Variants in FOXP2 observed in about 807,000 individuals in gnomAD.
FOXP2 encodes forkhead box P2.
In FOXP2, 12 loss-of-function variants were observed where a neutral mutation model predicts 115.8. The observed-to-expected ratio is 0.10, with a 90% CI of 0.07 to 0.17. The LOEUF is 0.17. Among genes scored for constraint, FOXP2 ranks in the 10% least tolerant of loss-of-function variants. FOXP2 has a pLI of 1.00. For synonymous variants in FOXP2, 328 were observed against 297.7 expected, an observed-to-expected ratio of 1.10 and a Z score of -1.05; for missense variants, 629 against 843.5, an observed-to-expected ratio of 0.75 and a Z score of 3.15.
chr7:114,388,856 C>T (rs1792520391), intron 2 of FOXP2, among the ~76,000 whole-genome samples: 1 of 152,136 alleles, frequency 6.6e-6, no homozygotes, highest in South Asian at 2.1e-4. Flanking sequence ...TGGGAATTGT[C>T]AGTAATTATA....
intron 2 of FOXP2, among the ~76,000 whole-genome samples, chr7:114,443,472 T>G (rs1435150404): frequency 6.6e-6 from 1 of 152,116 alleles, no homozygotes; most frequent in African/African-American, 2.4e-5. Context: ...AGGTTTGTTA[T>G]ATGGGTAAAT....
At chr7:114,200,084 C>A (rs1794021065) in intron 1 of FOXP2, among the ~76,000 whole-genome samples, 1 of 152,160 alleles carries the variant, frequency 6.6e-6, no homozygotes, top group Non-Finnish European at 1.5e-5. Context: ...ATCCTCCATT[C>A]AGTCCTGTAC....
intron 8 of FOXP2, among the ~76,000 whole-genome samples, chr7:114,647,515 C>T (rs1295073191): frequency 2.0e-5 from 3 of 151,608 alleles, no homozygotes; most frequent in Non-Finnish European, 4.4e-5. Context: ...TTATTTGTAA[C>T]AGCAAGATGA....
chr7:114,221,208 G>A (rs1412445551), intron 1 of FOXP2, among the ~76,000 whole-genome samples: 1 of 151,982 alleles, frequency 6.6e-6, no homozygotes. Context: ...TTGACACTAA[G>A]CCTTTGAGTC....
chr7:114,253,927 G>T (rs1469355979), intron 1 of FOXP2, among the ~76,000 whole-genome samples: 4 of 152,162 alleles, frequency 2.6e-5, no homozygotes, highest in East Asian at 1.9e-4. Context: ...GCAGTGGCTG[G>T]TACCAGTTTT....
intron 3 of FOXP2, chr7:114,561,628 C>T (rs1029026112): frequency 6.6e-6 from 1 of 152,118 alleles, no homozygotes; most frequent in Non-Finnish European, 1.5e-5. Flanking sequence ...GCACCTGTCA[C>T]GCGTGTACTT....
chr7:114,159,756 C>T (rs1323834903), upstream of FOXP2, among the ~76,000 whole-genome samples: 1 of 152,060 alleles, frequency 6.6e-6, no homozygotes, highest in Non-Finnish European at 1.5e-5. Context: ...TTACCCTTGG[C>T]CTTCTGAAGG....
intron 3 of FOXP2, among the ~76,000 whole-genome samples, chr7:114,611,766 T>A (rs964984719): frequency 1.3e-5 from 2 of 152,156 alleles, no homozygotes; most frequent in African/African-American, 4.8e-5. Context: ...AGTAACAACA[T>A]CATGAAACTT....
intron 2 of FOXP2, among the ~76,000 whole-genome samples, chr7:114,487,886 C>T (rs1796865613): frequency 1.3e-5 from 2 of 152,170 alleles, no homozygotes; most frequent in Non-Finnish European, 2.9e-5. Flanking sequence ...ATTTTCCTGT[C>T]TTCTGAGCCC....
intron 1 of FOXP2, among the ~76,000 whole-genome samples, chr7:114,115,524 A>G (rs1241852113): frequency 1.3e-5 from 2 of 151,878 alleles, no homozygotes; most frequent in Non-Finnish European, 2.9e-5. Context: ...ATTTCCTTCA[A>G]CTGTGCCATC....
chr7:114,614,352 G>A (rs10230087), intron 3 of FOXP2, among the ~76,000 whole-genome samples: 111,739 of 152,036 alleles, frequency 0.73, 44,338 homozygotes, highest in Non-Finnish European at 0.88. Context: ...ACTGTAGTAC[G>A]TTGCCCCTTT....
intron 2 of FOXP2, among the ~76,000 whole-genome samples, chr7:114,369,616 T>G (rs1034326548): frequency 6.6e-6 from 1 of 152,154 alleles, no homozygotes; most frequent in Non-Finnish European, 1.5e-5. Flanking sequence ...AGTCATGATA[T>G]ACAAAAGTTA....
chr7:114,240,289 C>T (rs946247898), intron 1 of FOXP2, among the ~76,000 whole-genome samples: 3 of 152,066 alleles, frequency 2.0e-5, no homozygotes, highest in Non-Finnish European at 4.4e-5. Flanking sequence ...ATAACTTTCT[C>T]TCCAAATTCA....
Position 114,691,163 on chromosome 7 carries a change from C to G in FOXP2, c.*1237C>G. ...ATAGTACTTTGTGTTTTTGTTTTCC[C>G]TCATTCAGTCAGTTATTTTCAGTGG... On this transcript the variant is annotated 3_prime_UTR_variant, in exon 17 of 17. Transcript: ENST00000350908. 2.2e-6 allele frequency: 1 copy of G among 453,922 alleles called. No homozygotes were observed. Among genetic ancestry groups the G allele is most frequent in the Non-Finnish European group, 4.4e-6 (1 of 226,744 alleles). The allele number at this position is 453,922 out of a possible 1,614,324, so 28.1% of individuals were successfully genotyped here. A position where few individuals can be genotyped will look rare whatever the true frequency, so the allele number is the denominator to read the frequency against.
At chr7:114,248,240 G>C (rs1207778595) in intron 1 of FOXP2, among the ~76,000 whole-genome samples, 12 of 150,666 alleles carry the variant, frequency 8.0e-5, no homozygotes, top group Non-Finnish European at 1.6e-4. Context: ...ATTTTTTCTT[G>C]TTCAGCTATT....
At chr7:114,498,508 A>G (rs991605323) in intron 2 of FOXP2, among the ~76,000 whole-genome samples, 1 of 152,178 alleles carries the variant, frequency 6.6e-6, no homozygotes, top group Non-Finnish European at 1.5e-5. Flanking sequence ...AAAATAGGAA[A>G]CTATTAACTT....
At chr7:114,371,473 A>G (rs1269626756) in intron 2 of FOXP2, among the ~76,000 whole-genome samples, 1 of 152,108 alleles carries the variant, frequency 6.6e-6, no homozygotes. Flanking sequence ...GAATAAAAAT[A>G]AATAAAAAAT....
Position 114,662,050 on chromosome 7 carries a change from TTCTG to T in FOXP2, c.1648-10_1648-7del. On this transcript the variant is annotated splice_polypyrimidine_tract_variant and intron_variant, in intron 13 of 16. Coordinates refer to ENST00000350908, the MANE Select transcript of FOXP2 (RefSeq NM_014491.4). ...ATTATTTTTGCCATTTTTTCTTCTCTTCTGTCTGCTTTAGAATGCAGTACGTCAT... is the reference window on the plus strand; with the variant it reads ...ATTATTTTTGCCATTTTTTCTTCTCTTCTGCTTTAGAATGCAGTACGTCAT... 1 of 1,612,328 alleles carries T rather than the reference TTCTG, an allele frequency of 6.2e-7. No homozygotes were observed. Among genetic ancestry groups the T allele is most frequent in the Non-Finnish European group, 8.5e-7 (1 of 1,178,742 alleles).
At chr7:114,533,443 CCATATGCA>C (rs559064647) in intron 2 of FOXP2, among the ~76,000 whole-genome samples, 61 of 151,952 alleles carry the variant, frequency 4.0e-4, no homozygotes, top group Non-Finnish European at 6.8e-4. Context: ...CAGTGTAATG[CCATATGCA>C]CATCTTGTCA....
Sources: allele counts gnomAD v4.1 joint callset (sites outside exome capture counted in the v4.1 genomes callset), GRCh38; gene constraint gnomAD v4.1.1; transcripts MANE v1.5; gene names NCBI Gene and HGNC (gene_info 2026-07-23, HGNC 2026-07-21).